OR8B3: variants seen among roughly 807,000 people sequenced by gnomAD.
The protein encoded by OR8B3 is olfactory receptor 8B3.
For missense variants in OR8B3, 278 were observed against 377.6 expected, an observed-to-expected ratio of 0.74 and a Z score of 2.19; for synonymous variants, 102 against 135.4, an observed-to-expected ratio of 0.75 and a Z score of 1.71.
chr11:124,396,537 A>C lies in OR8B3; in HGVS notation c.815T>G (p.Val272Gly), dbSNP rs754835490. 143 of 1,613,868 alleles carry C rather than the reference A, an allele frequency of 8.9e-5. No homozygotes were observed. The highest frequency in any genetic ancestry group is 1.1e-4 in the Non-Finnish European group (126 of 1,179,974). ...YSSGSMEQGK[V>G]SSVFYTNVVP... ...CACATTAGTGTAGAAAACAGAAGAA[A>C]CTTTTCCCTGCTCCATAGATCCAGA... Residue 272 changes from valine to glycine, a missense_variant, in exon 2 of 2, where the codon GTT becomes GGT. By Grantham distance (109) the Val-to-Gly change is moderately radical. Coordinates refer to ENST00000641139, the MANE Select transcript of OR8B3 (RefSeq NM_001005467.2).
upstream of OR8B3, among the ~76,000 whole-genome samples, chr11:124,400,352 ACT>A (rs1354084875): frequency 6.6e-6 from 1 of 151,920 alleles, no homozygotes; most frequent in Non-Finnish European, 1.5e-5. Flanking sequence ...CTTAAAATCT[ACT>A]CTCTTAGCAA....
At chr11:124,398,172 C>T (rs1460212202) in intron 1 of OR8B3, among the ~76,000 whole-genome samples, 3 of 152,096 alleles carry the variant, frequency 2.0e-5, no homozygotes, top group Non-Finnish European at 4.4e-5. Flanking sequence ...ATGAAGTCAC[C>T]AGGTGATAAC....
chr11:124,409,678 T>C, the OR8B3 span, among the ~76,000 whole-genome samples: 1 of 152,242 alleles, frequency 6.6e-6, no homozygotes, highest in African/African-American at 2.4e-5. Context: ...AAGGATCCTT[T>C]ATCTAAGCAA....
At chr11:124,403,486 G>A (rs1452406914), upstream of OR8B3, among the ~76,000 whole-genome samples, 5 of 151,946 alleles carry the variant, frequency 3.3e-5, no homozygotes, top group East Asian at 1.9e-4. Context: ...GGTCGCGGCC[G>A]GGCAGAGGCG....
chr11:124,395,795 T>A lies in OR8B3; in HGVS notation c.*615A>T, dbSNP rs780963472. The stretch of plus-strand genomic sequence containing the variant: ...AGGTGGAGACACACATATTCTCTGC[T>A]GTATCAAATGCACTGGACTGATAGA... On this transcript the variant is annotated 3_prime_UTR_variant, in exon 2 of 2. Coordinates refer to ENST00000641139, the MANE Select transcript of OR8B3 (RefSeq NM_001005467.2). 6.6e-6 allele frequency: 1 copy of A among 152,258 alleles called. No homozygotes were observed. The highest frequency in any genetic ancestry group is 1.5e-5 in the Non-Finnish European group (1 of 68,086). The allele number at this position is 152,258 out of a possible 1,614,324, so 9.4% of individuals were successfully genotyped here. A position where few individuals can be genotyped will look rare whatever the true frequency, so the allele number is the denominator to read the frequency against.
upstream of OR8B3, among the ~76,000 whole-genome samples, chr11:124,402,459 CTG>C (rs1488999549): frequency 6.6e-6 from 1 of 152,030 alleles, no homozygotes; most frequent in Non-Finnish European, 1.5e-5. Context: ...TAAAATAAGT[CTG>C]TTGATTCACA....
In OR8B3 at chr11:124,397,268, A is replaced by G. The variant is rs1591436410; in HGVS notation, c.84T>C (p.Phe28=). The G allele has an allele frequency of 9.2e-6, 13 of 1,411,996 alleles. No individual in the cohort carries two copies. The East Asian group carries it at 2.5e-4, about 27-fold the overall frequency. The allele number at this position is 1,411,996 out of a possible 1,614,324, so 87.5% of individuals were successfully genotyped here. A position where few individuals can be genotyped will look rare whatever the true frequency, so the allele number is the denominator to read the frequency against. The change falls in exon 2 of 2, where the codon TTT becomes TTC. Residue 28 remains phenylalanine, a synonymous_variant. Coordinates refer to ENST00000641139, the MANE Select transcript of OR8B3 (RefSeq NM_001005467.2). ...CAATGTAGACCACTAGAAACAGGAA[A>G]AAGAGGGGTTGCTGGAACTCTGGAT... ...TDHPEFQQPL[F]FLFLVVYIVT...
At chr11:124,398,141 G>A (rs912165535) in intron 1 of OR8B3, among the ~76,000 whole-genome samples, 2 of 152,284 alleles carry the variant, frequency 1.3e-5, no homozygotes, top group South Asian at 4.1e-4. Flanking sequence ...AGGGTTTCTA[G>A]ATACCTTACT....
the OR8B3 span, chr11:124,405,185 C>A: frequency 6.6e-6 from 1 of 152,148 alleles, no homozygotes; most frequent in African/African-American, 2.4e-5. Context: ...AGAGGGAGAG[C>A]TGGATCTGCT....
the OR8B3 span, chr11:124,404,518 T>C: frequency 2.0e-5 from 3 of 152,232 alleles, no homozygotes; most frequent in Admixed American, 2.0e-4. Flanking sequence ...TGTAACAGAC[T>C]TTTTAAAGTA....
upstream of OR8B3, among the ~76,000 whole-genome samples, chr11:124,403,833 G>A (rs935244352): frequency 5.3e-5 from 8 of 152,346 alleles, no homozygotes; most frequent in Middle Eastern, 3.4e-3. Flanking sequence ...ATTGAGCACT[G>A]AGTGAGCGAG....
the OR8B3 span, among the ~76,000 whole-genome samples, chr11:124,407,508 A>G: frequency 1.2e-4 from 19 of 152,134 alleles, no homozygotes; most frequent in African/African-American, 4.3e-4. Flanking sequence ...TTCATTAACT[A>G]AAGTCTGTAT....
the OR8B3 span, among the ~76,000 whole-genome samples, chr11:124,409,559 G>A: frequency 6.6e-6 from 1 of 152,188 alleles, no homozygotes; most frequent in African/African-American, 2.4e-5. Context: ...ATCTCTTTTT[G>A]TGTTCAGAGA....
chr11:124,406,542 C>T, the OR8B3 span, among the ~76,000 whole-genome samples: 2 of 152,070 alleles, frequency 1.3e-5, no homozygotes, highest in Non-Finnish European at 2.9e-5. Context: ...CACTCCTTCT[C>T]CGTTCATTAT....
chr11:124,397,699 CTTTTTT>C (rs753969066), intron 1 of OR8B3, among the ~76,000 whole-genome samples: 3 of 141,920 alleles, frequency 2.1e-5, no homozygotes, highest in Non-Finnish European at 4.6e-5. Flanking sequence ...TTCCTAGTTT[CTTTTTT>C]TTTTTTTTAA....
At chr11:124,403,869 G>A (rs1306777023), upstream of OR8B3, among the ~76,000 whole-genome samples, 1 of 152,208 alleles carries the variant, frequency 6.6e-6, no homozygotes, top group Admixed American at 6.5e-5. Context: ...CCGGCACCTC[G>A]GGAGGCCGAG....
upstream of OR8B3, among the ~76,000 whole-genome samples, chr11:124,399,408 G>A (rs1317669257): frequency 6.6e-6 from 1 of 152,082 alleles, no homozygotes; most frequent in Non-Finnish European, 1.5e-5. Context: ...TAAAAATTTT[G>A]TGTAACATAG....
the OR8B3 span, chr11:124,404,354 C>T: frequency 1.3e-5 from 2 of 151,800 alleles, no homozygotes; most frequent in African/African-American, 4.9e-5. Flanking sequence ...GAGCATTTTT[C>T]CTTGAACCAT....
At chr11:124,408,935 G>A in the OR8B3 span, among the ~76,000 whole-genome samples, 1 of 152,192 alleles carries the variant, frequency 6.6e-6, no homozygotes, top group Non-Finnish European at 1.5e-5. Context: ...CTGCTGCACA[G>A]TGCACACTGC....
Sources: gnomAD v4.1 joint callset for allele counts (sites outside exome capture counted in the v4.1 genomes callset) on GRCh38, gnomAD v4.1.1 for gene constraint, MANE v1.5 for transcripts, NCBI Gene and HGNC (gene_info 2026-07-23, HGNC 2026-07-21) for gene names.